The following LUC7L variants were observed in gnomAD, a reference collection of about 807,000 sequenced individuals.
LUC7L encodes LUC7 like.
In LUC7L, 29 loss-of-function variants were observed where a neutral mutation model predicts 51.1. That is an observed-to-expected ratio of 0.57 (90% CI 0.42 to 0.77). The LOEUF is 0.77. Ranked by LOEUF, LUC7L falls within the 30% of genes least tolerant of loss-of-function variation. LUC7L has a pLI of 0.00. For missense variants in LUC7L, 403 were observed against 511.9 expected (o/e 0.79, Z 2.05); for synonymous variants, 181 against 180.7 (o/e 1.00, Z -0.01).
chr16:192,385 C>T (rs1373820482), intron 7 of LUC7L, among the ~76,000 whole-genome samples: 3 of 152,154 alleles, frequency 2.0e-5, no homozygotes, highest in Non-Finnish European at 4.4e-5. Flanking sequence ...AGTAAGTAAA[C>T]AGCAGTGCCC....
chr16:227,081 T>C (rs2050151205), intron 2 of LUC7L, among the ~76,000 whole-genome samples, 161 bp downstream of exon 2: 1 of 152,194 alleles, frequency 6.6e-6, no homozygotes. Flanking sequence ...ATCGCATGCA[T>C]GCATGCAAAC....
In LUC7L at chr16:229,155, G is replaced by A. The variant is rs570118809; in HGVS notation, c.61+124C>T. The A allele has an allele frequency of 3.0e-5, 43 of 1,433,114 alleles. No individual in the cohort carries two copies. The East Asian group carries it at 5.0e-4, about 17-fold the overall frequency. 88.8% of individuals were successfully genotyped at this position (1,433,114 alleles called of 1,614,324 possible). ...CCCGGCGCCTGCGGTCGGAGCGCGG[G>A]GGAGGAGGAGCGATGCCCCGCGCAG... is the stretch of plus-strand genomic sequence containing the variant. On this transcript the variant is annotated intron_variant, in intron 1 of 9. Coordinates refer to ENST00000293872, the MANE Select transcript of LUC7L (RefSeq NM_201412.3).
intron 9 of LUC7L, 97 bp from the exon 10 acceptor site, chr16:189,436 G>A (rs758078700): frequency 2.1e-5 from 31 of 1,469,384 alleles, no homozygotes; most frequent in Non-Finnish European, 2.8e-5. Flanking sequence ...GGCCAGGCAA[G>A]GCCCTACATC....
In LUC7L at chr16:196,596, C is replaced by T. The variant is rs142639414; in HGVS notation, c.687+2466G>A. On this transcript the variant is annotated intron_variant, in intron 6 of 9. Coordinates refer to ENST00000293872, the MANE Select transcript of LUC7L (RefSeq NM_201412.3). Reference sequence around the variant, plus strand: ...AGGCTAGAGTGCAGTGGCTCGATTTCGGCTCACTGCAACCTCTGCCTCCCG... The same window carrying T: ...AGGCTAGAGTGCAGTGGCTCGATTTTGGCTCACTGCAACCTCTGCCTCCCG... 2.2e-3 allele frequency among the ~76,000 whole-genome samples: 342 copies of T among 152,020 alleles called. 1 individual carries two copies. The highest frequency in any genetic ancestry group is 7.9e-3 in the African/African-American group (326 of 41,458).
chr16:220,594 A>T, intron 3 of LUC7L, 55 bp downstream of exon 3: 1 of 1,275,268 alleles, frequency 7.8e-7, no homozygotes, highest in South Asian at 1.2e-5. Context: ...TTTTCTTGTT[A>T]GTTCAATATT....
intron 2 of LUC7L, among the ~76,000 whole-genome samples, chr16:223,552 C>T (rs925890588): frequency 6.6e-6 from 1 of 152,120 alleles, no homozygotes; most frequent in South Asian, 2.1e-4. Context: ...ATGGGACTCA[C>T]GTTATGGTCG....
chr16:208,569 G>T, intron 3 of LUC7L: 10 of 1,011,920 alleles, frequency 9.9e-6, no homozygotes, highest in Non-Finnish European at 1.1e-5. Context: ...CCTCTTCTGG[G>T]GAGTTGTGAG....
intron 6 of LUC7L, among the ~76,000 whole-genome samples, chr16:196,693 A>T (rs146024654): frequency 0.02 from 3,018 of 151,206 alleles, 62 homozygotes; most frequent in Non-Finnish European, 0.036. Context: ...ATGCCCAGCT[A>T]ATTTTTGTGT....
At position 192,958 on chromosome 16, in the gene LUC7L, C is replaced by G; in HGVS notation, c.745G>C (p.Glu249Gln). Reference protein sequence around the residue: ...RNQDRLRRREEREREERLSRR... With the variant: ...RNQDRLRRREQREREERLSRR... ...CTCAGACGCTCCTCCCGTTCCCTCT[C>G]CTCTCTCCTCCTCAAGCGATCCTGA... Residue 249 changes from glutamate (E) to glutamine (Q), a missense_variant, in exon 7 of 10, where the codon GAG becomes CAG. Transcript: ENST00000293872. 6.2e-7 allele frequency: 1 copy of G among 1,613,532 alleles called. No individual in the cohort carries two copies.
chr16:197,207 CTTTTTTTTTTT>C (rs754309530), intron 6 of LUC7L, among the ~76,000 whole-genome samples: 6 of 80,380 alleles, frequency 7.5e-5, no homozygotes, highest in African/African-American at 2.6e-4. Flanking sequence ...TGCACCCAGC[CTTTTTTTTTTT>C]TTTTTTTTTT....
At chr16:189,739 G>A in intron 9 of LUC7L, 10 of 1,388,020 alleles carry the variant, frequency 7.2e-6, no homozygotes, top group Non-Finnish European at 9.3e-6. Flanking sequence ...ACAGGCCCCA[G>A]GACGCAGGCA....
chr16:223,062 A>G (rs2050021245), intron 2 of LUC7L, among the ~76,000 whole-genome samples: 1 of 151,762 alleles, frequency 6.6e-6, no homozygotes, highest in African/African-American at 2.4e-5. Flanking sequence ...TCTCATAGAA[A>G]GCATGTAGCA....
intron 2 of LUC7L, among the ~76,000 whole-genome samples, chr16:224,631 A>C (rs1317608267): frequency 1.3e-5 from 2 of 151,786 alleles, no homozygotes; most frequent in Non-Finnish European, 2.9e-5. Flanking sequence ...GGAGTTTGAG[A>C]CCAGCCTGGC....
intron 5 of LUC7L, among the ~76,000 whole-genome samples, chr16:201,241 C>G: frequency 3.8e-5 from 1 of 26,334 alleles, no homozygotes; most frequent in South Asian, 1.4e-3. Context: ...TGCTACATAA[C>G]TAAAAAAAAA....
chr16:196,317 A>G (rs1228333909), intron 6 of LUC7L, among the ~76,000 whole-genome samples: 18 of 151,912 alleles, frequency 1.2e-4, no homozygotes, highest in Admixed American at 1.2e-3. Context: ...CTGAGGCAGG[A>G]GTATCTCTTG....
At chr16:213,793 C>T (rs1487758356) in intron 3 of LUC7L, among the ~76,000 whole-genome samples, 1 of 152,208 alleles carries the variant, frequency 6.6e-6, no homozygotes, top group East Asian at 1.9e-4. Context: ...CGGCTCACCG[C>T]AATCTCTGCC....
At chr16:205,580 TG>T (rs1431815801) in intron 5 of LUC7L, among the ~76,000 whole-genome samples, 2 of 152,124 alleles carry the variant, frequency 1.3e-5, no homozygotes, top group Non-Finnish European at 2.9e-5. Flanking sequence ...TAAAACTGCT[TG>T]CAAAAACAGC....
chr16:227,492 T>C (rs567023858), intron 1 of LUC7L, 156 bp from the exon 2 acceptor site: 288 of 1,448,462 alleles, frequency 2.0e-4, no homozygotes, highest in Middle Eastern at 2.6e-4. Context: ...TATTTACAAC[T>C]GGAGTGGAAT....
chr16:193,702 T>C (rs1334538206), intron 6 of LUC7L, among the ~76,000 whole-genome samples: 1 of 151,710 alleles, frequency 6.6e-6, no homozygotes, highest in Non-Finnish European at 1.5e-5. Flanking sequence ...ACCATGTTGG[T>C]CTGGCTTGTC....
Sources: allele counts gnomAD v4.1 joint callset (sites outside exome capture counted in the v4.1 genomes callset), GRCh38; gene constraint gnomAD v4.1.1; transcripts MANE v1.5; gene names NCBI Gene and HGNC (gene_info 2026-07-23, HGNC 2026-07-21).